Variants in KANSL1 observed in about 807,000 individuals in gnomAD.
KANSL1 encodes KAT8 regulatory NSL complex subunit 1, also known as MLL1/MLL complex subunit KANSL1.
KANSL1 carries 22 observed loss-of-function variants against 103.6 expected under a neutral mutation model. The observed-to-expected ratio is 0.21, with a 90% confidence interval of 0.15 to 0.30. The LOEUF is 0.30. Ranked by LOEUF, KANSL1 falls within the 10% of genes least tolerant of loss-of-function variation. The probability of loss-of-function intolerance (pLI) is 1.00; values close to 1 mark genes in which losing one functional copy is unlikely to be tolerated. For synonymous variants in KANSL1, 600 were observed against 527.6 expected (o/e 1.14, Z -1.88); for missense variants, 1,337 against 1,399.8 (o/e 0.96, Z 0.72).
rs140925397 is a variant in KANSL1, at chr17:46,033,614, C to T, written c.2667-154G>A. The T allele has an allele frequency of 2.6e-4, 172 of 672,566 alleles. No homozygotes were observed. The African/African-American group carries it at 2.7e-3, about 10-fold the overall frequency. The allele number at this position is 672,566 out of a possible 1,614,324, so 41.7% of individuals were successfully genotyped here. The stretch of plus-strand genomic sequence containing the variant: ...GCCCTATCACAGCTCAGTCTCCCTA[C>T]CCTGTCAAGGCCTGTGAAATTGGCC... On this transcript the variant is annotated intron_variant, in intron 11 of 14. Transcript: ENST00000432791.
intron 6 of KANSL1, among the ~76,000 whole-genome samples, chr17:46,060,444 A>T (rs1043228591): frequency 2.3e-4 from 35 of 152,190 alleles, no homozygotes; most frequent in African/African-American, 8.4e-4. Flanking sequence ...GTGTTTTATA[A>T]TGTATATATA....
intron 5 of KANSL1, among the ~76,000 whole-genome samples, 160 bp from the exon 6 acceptor site, chr17:46,066,892 C>T (rs1296001534): frequency 6.6e-6 from 1 of 152,212 alleles, no homozygotes; most frequent in East Asian, 1.9e-4. Context: ...CAGGTCTCCT[C>T]TTGATGTCTG....
chr17:46,155,737 C>T (rs1041339936), intron 2 of KANSL1, among the ~76,000 whole-genome samples: 21 of 152,084 alleles, frequency 1.4e-4, no homozygotes, highest in African/African-American at 5.1e-4. Context: ...GCATAACACT[C>T]TAGTTCCTAC....
rs144155344 is a variant in KANSL1, at chr17:46,137,810, T to G, written c.1289+33045A>C. Among the ~76,000 whole-genome samples, 1,278 of 148,050 alleles carry G rather than the reference T, an allele frequency of 8.6e-3. 19 individuals are homozygous for G. The highest frequency in any genetic ancestry group is 0.031 in the African/African-American group (1,240 of 39,574). ...TGAACCCAGGAGGTGGAGCTTGCAGTGAGCCAAAATCACGCCACTGCACTC... is the reference window on the plus strand; with the variant it reads ...TGAACCCAGGAGGTGGAGCTTGCAGGGAGCCAAAATCACGCCACTGCACTC... On this transcript the variant is annotated intron_variant, in intron 2 of 14. Transcript: ENST00000432791.
chr17:46,032,704 G>A (rs2146311765), intron 13 of KANSL1: 1 of 334,952 alleles, frequency 3.0e-6, no homozygotes, highest in South Asian at 1.0e-4. Flanking sequence ...GTTAAGGGGG[G>A]GCAGTTTCTT....
intron 1 of KANSL1, among the ~76,000 whole-genome samples, chr17:46,183,933 T>TGAG (rs2046906695): frequency 6.6e-6 from 1 of 152,040 alleles, no homozygotes; most frequent in Admixed American, 6.6e-5. Flanking sequence ...AAGAAAGAAA[T>TGAG]GAGTAGAATT....
chr17:46,040,217 A>G (rs184300251), intron 7 of KANSL1: 1 of 326,240 alleles, frequency 3.1e-6, no homozygotes, highest in East Asian at 6.0e-5. Context: ...TTAAAAACAT[A>G]TTTAAGCCTA....
chr17:46,094,740 G>T (rs758536781), intron 2 of KANSL1, 39 bp from the exon 3 acceptor site: 38 of 1,612,340 alleles, frequency 2.4e-5, no homozygotes, highest in Non-Finnish European at 6.8e-6. Context: ...AAGAGTAGCA[G>T]TAATATCTAT....
chr17:46,161,266 A>C (rs1458572517), intron 2 of KANSL1, among the ~76,000 whole-genome samples: 1 of 150,504 alleles, frequency 6.6e-6, no homozygotes, highest in Non-Finnish European at 1.5e-5. Context: ...AAAAAAAAAA[A>C]AAAAAAAAAA....
chr17:46,191,717 T>A lies in KANSL1; in HGVS notation c.-90+1106A>T, dbSNP rs570205666. Among the ~76,000 whole-genome samples the A allele has an allele frequency of 2.0e-5, 3 of 152,344 alleles. No homozygotes were observed. The South Asian group carries it at 6.2e-4, about 32-fold the overall frequency. On this transcript the variant is annotated intron_variant, in intron 1 of 14. Coordinates refer to ENST00000432791, the MANE Select transcript of KANSL1 (RefSeq NM_015443.4). The stretch of plus-strand genomic sequence containing the variant: ...CCAAAGCGAAAAGGAAAGGTTCCTC[T>A]GAGCTGCAATTTAAAAATATAAACA...
At chr17:46,195,681 T>C (rs2047582931), upstream of KANSL1, among the ~76,000 whole-genome samples, 2 of 152,208 alleles carry the variant, frequency 1.3e-5, no homozygotes, top group Non-Finnish European at 1.5e-5. Context: ...GCCTCTTGAG[T>C]AGCTGGCACT....
At chr17:46,176,294 A>G (rs1304076374) in intron 1 of KANSL1, among the ~76,000 whole-genome samples, 2 of 152,282 alleles carry the variant, frequency 1.3e-5, no homozygotes, top group Non-Finnish European at 2.9e-5. Context: ...CATAATTAAC[A>G]TCACATCACA....
At chr17:46,075,874 C>G (rs1348376394) in intron 4 of KANSL1, among the ~76,000 whole-genome samples, 1 of 152,148 alleles carries the variant, frequency 6.6e-6, no homozygotes, top group Admixed American at 6.5e-5. Flanking sequence ...ACTCCCTACA[C>G]CATGCTTCAG....
At chr17:46,051,057 G>C (rs186357210) in intron 6 of KANSL1, among the ~76,000 whole-genome samples, 16 of 152,258 alleles carry the variant, frequency 1.1e-4, no homozygotes, top group Admixed American at 3.3e-4. Flanking sequence ...ATGCTTTCAC[G>C]ACCTTGATGG....
intron 1 of KANSL1, among the ~76,000 whole-genome samples, chr17:46,201,409 A>G (rs1043629671): frequency 6.6e-6 from 1 of 152,246 alleles, no homozygotes; most frequent in Non-Finnish European, 1.5e-5. Flanking sequence ...AATATATTAC[A>G]GGTTGACCAT....
intron 2 of KANSL1, among the ~76,000 whole-genome samples, chr17:46,166,823 ACTAAAAG>A (rs1209818864): frequency 6.6e-6 from 1 of 152,220 alleles, no homozygotes; most frequent in African/African-American, 2.4e-5. Flanking sequence ...ATAAAAACAG[ACTAAAAG>A]CTTAGACAAA....
At chr17:46,095,004 A>G (rs1292604112) in intron 2 of KANSL1, among the ~76,000 whole-genome samples, 1 of 152,258 alleles carries the variant, frequency 6.6e-6, no homozygotes, top group Non-Finnish European at 1.5e-5. Context: ...ATGCCAAAAT[A>G]AAACATACAT....
intron 2 of KANSL1, among the ~76,000 whole-genome samples, chr17:46,119,741 G>A (rs527835899): frequency 6.6e-6 from 1 of 152,294 alleles, no homozygotes; most frequent in South Asian, 2.1e-4. Context: ...AGGCTGCCAG[G>A]CTCCAAATCA....
At chr17:46,048,359 G>A (rs1006156365) in intron 7 of KANSL1, among the ~76,000 whole-genome samples, 1 of 152,028 alleles carries the variant, frequency 6.6e-6, no homozygotes, top group Middle Eastern at 3.2e-3. Context: ...CCTGAGGTCA[G>A]GAGTTGGAGA....
Sources: gnomAD v4.1 joint callset for allele counts (sites outside exome capture counted in the v4.1 genomes callset) on GRCh38, gnomAD v4.1.1 for gene constraint, MANE v1.5 for transcripts, NCBI Gene and HGNC (gene_info 2026-07-23, HGNC 2026-07-21) for gene names.